The following RNF6 variants were observed in gnomAD, a reference collection of about 807,000 sequenced individuals.
RNF6 encodes the protein E3 ubiquitin-protein ligase RNF6.
A neutral mutation model predicts 50.1 loss-of-function variants in RNF6; 21 were observed. The ratio of observed to expected loss-of-function variants is 0.42; its 90% CI spans 0.30 to 0.60. The LOEUF (loss-of-function observed/expected upper bound fraction) is 0.60, where lower values mean the gene tolerates loss of function less well. Ranked by LOEUF, RNF6 falls within the 20% of genes least tolerant of loss-of-function variation. RNF6 has a pLI of 0.20. For missense variants in RNF6, 698 were observed against 838.2 expected (o/e 0.83, Z 2.07); for synonymous variants, 255 against 291.8 (o/e 0.87, Z 1.29).
rs1196865376 is a variant in RNF6 at position 26,213,962 on chromosome 13, T to C, written c.1920A>G (p.Val640=). The part of the protein sequence containing the change: ...KICSVCISDY[V]TGNKLRQLPC... Reference sequence around the variant, plus strand: ...GTAATTGCCTGAGCTTGTTTCCAGTTACATAGTCACTAATACAAACACTAC... The same window carrying C: ...GTAATTGCCTGAGCTTGTTTCCAGTCACATAGTCACTAATACAAACACTAC... The change falls in exon 5 of 5, where the codon GTA becomes GTG. Residue 640 remains valine, a synonymous_variant. Coordinates refer to ENST00000381588, the MANE Select transcript of RNF6 (RefSeq NM_005977.4). 3 of 1,614,116 alleles carry C rather than the reference T, an allele frequency of 1.9e-6. No homozygotes were observed. The highest frequency in any genetic ancestry group is 1.7e-6 in the Non-Finnish European group (2 of 1,180,044).
chr13:26,149,872 A>G lies in RNF6; in HGVS notation n.769-17421T>C, dbSNP rs369600816. ...CAGTGTATATATAATGTGTGTGTGTATATATATATATATATATATATACAC... is the reference window on the plus strand; with the variant it reads ...CAGTGTATATATAATGTGTGTGTGTGTATATATATATATATATATATACAC... On this transcript the variant is annotated intron_variant and non_coding_transcript_variant, in intron 5 of 5. Transcript: ENST00000468480. Among the ~76,000 whole-genome samples the G allele has an allele frequency of 1.6e-3, 93 of 59,866 alleles. 3 individuals carry two copies. Among genetic ancestry groups the G allele is most frequent in the African/African-American group, 5.4e-3 (71 of 13,216 alleles). The allele number at this position is 59,866 out of a possible 152,430, so 39.3% of individuals were successfully genotyped here.
At chr13:26,167,249 T>C (rs951299408) in intron 5 of RNF6, among the ~76,000 whole-genome samples, 9 of 152,138 alleles carry the variant, frequency 5.9e-5, no homozygotes, top group African/African-American at 1.9e-4. Flanking sequence ...AAGGAACCTA[T>C]CTAGAGTAAA....
intron 5 of RNF6, among the ~76,000 whole-genome samples, chr13:26,172,597 G>A (rs1872748908): frequency 6.6e-6 from 1 of 150,450 alleles, no homozygotes; most frequent in African/African-American, 2.5e-5. Flanking sequence ...AGGCTGGAGT[G>A]CAGTGGCGCG....
intron 5 of RNF6, among the ~76,000 whole-genome samples, chr13:26,183,994 A>G (rs1300418141): frequency 4.4e-5 from 2 of 45,322 alleles, no homozygotes; most frequent in Non-Finnish European, 7.5e-5. Context: ...TAAATAAAAT[A>G]TATATATATA....
chr13:26,163,897 T>A (rs768783293), intron 5 of RNF6, among the ~76,000 whole-genome samples: 7 of 152,218 alleles, frequency 4.6e-5, no homozygotes, highest in Non-Finnish European at 8.8e-5. Flanking sequence ...AAGGGCAAAT[T>A]ATATGCTTTT....
intron 5 of RNF6, among the ~76,000 whole-genome samples, chr13:26,137,901 AG>A (rs964275503): frequency 6.6e-6 from 1 of 152,146 alleles, no homozygotes; most frequent in Non-Finnish European, 1.5e-5. Context: ...AAAATCCTAG[AG>A]GAAAGGAGGA....
Position 26,213,717 on chromosome 13 carries a change from T to C in RNF6, c.*107A>G, listed in dbSNP as rs1869489710. The C allele has an allele frequency of 1.2e-6, 1 of 861,968 alleles. No homozygotes were observed. The highest frequency in any genetic ancestry group is 1.7e-6 in the Non-Finnish European group (1 of 575,680). The allele number at this position is 861,968 out of a possible 1,614,324, so 53.4% of individuals were successfully genotyped here. A position where few individuals can be genotyped will look rare whatever the true frequency, so the allele number is the denominator to read the frequency against. ...CACGAAAAATAGTTCAAACTATATA[T>C]AATCTGTTATTTTTCATCCTGGTTA... On this transcript the variant is annotated 3_prime_UTR_variant, in exon 5 of 5. Transcript: ENST00000381588.
At chr13:26,201,417 A>G (rs964645934) in intron 5 of RNF6, among the ~76,000 whole-genome samples, 2 of 152,210 alleles carry the variant, frequency 1.3e-5, no homozygotes, top group African/African-American at 4.8e-5. Flanking sequence ...GAGGAGGGGT[A>G]ATTCTTTCAA....
chr13:26,170,392 G>T (rs1872642103), intron 5 of RNF6, among the ~76,000 whole-genome samples: 1 of 152,210 alleles, frequency 6.6e-6, no homozygotes, highest in Admixed American at 6.5e-5. Flanking sequence ...TATAGTCCAA[G>T]ATCAGTATAA....
chr13:26,157,121 G>A (rs1327683863), intron 5 of RNF6, among the ~76,000 whole-genome samples: 3 of 152,114 alleles, frequency 2.0e-5, no homozygotes, highest in Non-Finnish European at 2.9e-5. Flanking sequence ...TCTTGTTGGG[G>A]TAATGAAAAT....
At chr13:26,212,047 A>C (rs572734461), downstream of RNF6, among the ~76,000 whole-genome samples, 29 of 152,286 alleles carry the variant, frequency 1.9e-4, no homozygotes, top group African/African-American at 6.7e-4. Context: ...AGGGTAGATA[A>C]GTGATGACAA....
At chr13:26,163,842 G>A (rs995933445) in intron 5 of RNF6, among the ~76,000 whole-genome samples, 2 of 152,178 alleles carry the variant, frequency 1.3e-5, no homozygotes, top group Non-Finnish European at 2.9e-5. Flanking sequence ...AGATCAAAGA[G>A]GCTTAGGTTT....
intron 1 of RNF6, 56 bp downstream of exon 1, chr13:26,221,947 T>G (rs1870553478): frequency 1.3e-5 from 2 of 152,398 alleles, no homozygotes; most frequent in African/African-American, 2.4e-5. Context: ...ATGGCCTGCT[T>G]TCCCCGGCGT....
chr13:26,193,671 AAG>A (rs1868549215), intron 5 of RNF6, among the ~76,000 whole-genome samples: 1 of 152,202 alleles, frequency 6.6e-6, no homozygotes, highest in African/African-American at 2.4e-5. Flanking sequence ...AAGTAAAATC[AAG>A]AGAGAGTTTT....
intron 5 of RNF6, among the ~76,000 whole-genome samples, chr13:26,162,633 A>G (rs1487131518): frequency 6.6e-6 from 1 of 152,236 alleles, no homozygotes; most frequent in African/African-American, 2.4e-5. Context: ...ATTTCCTATG[A>G]GTAAATCTGC....
At chr13:26,136,924 C>T (rs1870673110) in intron 5 of RNF6, among the ~76,000 whole-genome samples, 1 of 152,140 alleles carries the variant, frequency 6.6e-6, no homozygotes, top group Non-Finnish European at 1.5e-5. Context: ...TCAAGAAAAA[C>T]GGATGAATCT....
At chr13:26,184,261 G>A (rs1181457770) in intron 5 of RNF6, among the ~76,000 whole-genome samples, 1 of 151,782 alleles carries the variant, frequency 6.6e-6, no homozygotes, top group Non-Finnish European at 1.5e-5. Context: ...TCGATCTCCT[G>A]ACCTCGTGAT....
intron 5 of RNF6, among the ~76,000 whole-genome samples, chr13:26,163,227 G>T (rs1267318260): frequency 1.3e-5 from 2 of 152,092 alleles, no homozygotes; most frequent in African/African-American, 4.8e-5. Flanking sequence ...CAGGAGAATG[G>T]CGTGAACCCG....
At chr13:26,199,501 A>G (rs1868810123) in intron 5 of RNF6, among the ~76,000 whole-genome samples, 2 of 152,216 alleles carry the variant, frequency 1.3e-5, no homozygotes, top group African/African-American at 4.8e-5. Context: ...CACAAAAAGC[A>G]TGGACCAAAA....
Sources: allele counts gnomAD v4.1 joint callset (sites outside exome capture counted in the v4.1 genomes callset), GRCh38; gene constraint gnomAD v4.1.1; transcripts MANE v1.5; gene names NCBI Gene and HGNC (gene_info 2026-07-23, HGNC 2026-07-21).